EMCN: variants seen among roughly 807,000 people sequenced by gnomAD.
The protein encoded by EMCN is endomucin, also known as MUC-14.
EMCN carries 37 observed loss-of-function variants against 38.4 expected under a neutral mutation model. The ratio of observed to expected loss-of-function variants is 0.96; its 90% CI spans 0.74 to 1.27. EMCN has a LOEUF of 1.27. EMCN is among the 50% of genes most tolerant of loss of function. The pLI is 0.00. For synonymous variants in EMCN, 95 were observed against 100.8 expected, an observed-to-expected ratio of 0.94 and a Z score of 0.35; for missense variants, 318 against 302.8, an observed-to-expected ratio of 1.05 and a Z score of -0.37.
At chr4:100,437,929 G>C (rs768882960) in intron 5 of EMCN, among the ~76,000 whole-genome samples, 1 of 151,730 alleles carries the variant, frequency 6.6e-6, no homozygotes, top group African/African-American at 2.4e-5. Context: ...TTTTATTTCT[G>C]TGAAGAATGA....
chr4:100,463,820 G>A (rs1320638101), intron 4 of EMCN, among the ~76,000 whole-genome samples: 1 of 152,064 alleles, frequency 6.6e-6, no homozygotes, highest in Non-Finnish European at 1.5e-5. Flanking sequence ...CATTACAATA[G>A]CTTTAGAATA....
In EMCN at chr4:100,423,019, A is replaced by G. The variant is rs751272792; in HGVS notation, c.568+2T>C. 4 of 1,612,420 alleles carry G rather than the reference A, an allele frequency of 2.5e-6. No individual in the cohort carries two copies. The South Asian group carries it at 4.4e-5, about 18-fold the overall frequency. On this transcript the variant is annotated splice_donor_variant, in intron 7 of 11. Transcript: ENST00000296420. LOFTEE classifies it high-confidence loss of function. ...ATGAATGAAGGCATTGCTGTTACTC[A>G]CTGGAATAAGACCGGCTGGTTGCTG... is the stretch of plus-strand genomic sequence containing the variant.
chr4:100,441,044 T>A (rs1727501268), intron 5 of EMCN, among the ~76,000 whole-genome samples: 1 of 151,836 alleles, frequency 6.6e-6, no homozygotes, highest in Admixed American at 6.6e-5. Context: ...GCTGCGATTG[T>A]GCCACTGCAC....
intron 1 of EMCN, among the ~76,000 whole-genome samples, chr4:100,509,936 A>C (rs948493093): frequency 6.6e-6 from 1 of 152,208 alleles, no homozygotes; most frequent in African/African-American, 2.4e-5. Context: ...TGATGTGCAC[A>C]GTATCTAAAA....
At chr4:100,412,166 ACAGT>A (rs964244253) in intron 10 of EMCN, among the ~76,000 whole-genome samples, 6 of 152,198 alleles carry the variant, frequency 3.9e-5, no homozygotes, top group African/African-American at 9.6e-5. Flanking sequence ...AGAGAGAGAG[ACAGT>A]CAGGGGACAG....
Position 100,490,180 on chromosome 4 carries a change from A to C in EMCN, c.65-10141T>G, listed in dbSNP as rs543240553. Among the ~76,000 whole-genome samples the C allele has an allele frequency of 6.6e-5, 10 of 151,650 alleles. 1 individual carries two copies. The South Asian group carries it at 2.1e-3, about 32-fold the overall frequency. On this transcript the variant is annotated intron_variant, in intron 1 of 11. Transcript: ENST00000296420. ...TTTTTACAACTTGAAAAAGTAAAAA[A>C]AAAAAAAAAGATTAAAAACAGAAAA...
At chr4:100,439,789 G>A (rs534480489) in intron 5 of EMCN, among the ~76,000 whole-genome samples, 1 of 151,500 alleles carries the variant, frequency 6.6e-6, no homozygotes, top group Non-Finnish European at 1.5e-5. Flanking sequence ...TCTTTGAACT[G>A]CTTTTGCTAC....
intron 7 of EMCN, among the ~76,000 whole-genome samples, chr4:100,422,629 G>A (rs868457752): frequency 6.6e-6 from 1 of 151,536 alleles, no homozygotes; most frequent in African/African-American, 2.4e-5. Context: ...TATATTCAGG[G>A]TATACAACCT....
intron 11 of EMCN, among the ~76,000 whole-genome samples, chr4:100,401,353 G>C (rs1238514171): frequency 6.6e-6 from 1 of 152,140 alleles, no homozygotes; most frequent in East Asian, 1.9e-4. Context: ...CCTTGTATTA[G>C]GTATTACAAG....
chr4:100,406,484 T>A (rs936994397), intron 11 of EMCN, among the ~76,000 whole-genome samples: 2 of 152,184 alleles, frequency 1.3e-5, no homozygotes, highest in African/African-American at 4.8e-5. Context: ...TTTAATTTCA[T>A]TGTTTACACA....
At chr4:100,440,983 G>A (rs1251186692) in intron 5 of EMCN, among the ~76,000 whole-genome samples, 4 of 151,990 alleles carry the variant, frequency 2.6e-5, no homozygotes, top group Non-Finnish European at 4.4e-5. Context: ...AGCTACTTGG[G>A]AAGCTGAGGC....
In EMCN at chr4:100,475,953, C is replaced by T. The variant is rs186633976; in HGVS notation, c.188-844G>A. Among the ~76,000 whole-genome samples the T allele has an allele frequency of 3.0e-3, 448 of 151,850 alleles. 1 individual carries two copies. The highest frequency in any genetic ancestry group is 0.01 in the African/African-American group (430 of 41,236). Reference sequence around the variant, plus strand: ...CCTCCCAAAATGCTGGGATTACAGGCGTGAGCCACTGTGCCCAGCCTCTAG... The same window carrying T: ...CCTCCCAAAATGCTGGGATTACAGGTGTGAGCCACTGTGCCCAGCCTCTAG... On this transcript the variant is annotated intron_variant, in intron 2 of 11. Coordinates refer to ENST00000296420, the MANE Select transcript of EMCN (RefSeq NM_016242.4).
intron 5 of EMCN, among the ~76,000 whole-genome samples, chr4:100,437,527 T>G (rs1039624378): frequency 2.0e-5 from 3 of 152,194 alleles, no homozygotes; most frequent in Admixed American, 2.0e-4. Context: ...CTAGGAGTTT[T>G]ATAGTTTCTG....
At chr4:100,433,139 G>T (rs1308244883) in intron 5 of EMCN, among the ~76,000 whole-genome samples, 1 of 152,028 alleles carries the variant, frequency 6.6e-6, no homozygotes, top group Non-Finnish European at 1.5e-5. Context: ...CTCTGTCCCT[G>T]GTAACCACTG....
rs1400940235 is a variant in EMCN, at chr4:100,475,090, T to A, written c.207A>T (p.Leu69Phe). 1.3e-6 allele frequency: 2 copies of A among 1,528,586 alleles called. No homozygotes were observed. The highest frequency in any genetic ancestry group is 2.7e-5 in the African/African-American group (2 of 73,260). 94.7% of individuals were successfully genotyped at this position (1,528,586 alleles called of 1,614,324 possible). Residue 69 changes from leucine to phenylalanine, a missense_variant, in exon 3 of 12, where the codon TTA becomes TTT. Leu to Phe is a conservative substitution (Grantham distance 22). Transcript: ENST00000296420. The part of the protein sequence containing the change: ...TTPKGTITNE[L>F]LKMSLMSTAT... Reference sequence around the variant, plus strand: ...CTGTTGACATCAGAGACATTTTAAGTAATTCATTGGTGATTGTTCCTAGTT... The same window carrying A: ...CTGTTGACATCAGAGACATTTTAAGAAATTCATTGGTGATTGTTCCTAGTT...
At chr4:100,411,722 A>C (rs1274488895) in intron 10 of EMCN, among the ~76,000 whole-genome samples, 1 of 152,150 alleles carries the variant, frequency 6.6e-6, no homozygotes, top group East Asian at 1.9e-4. Flanking sequence ...GTCAAATATT[A>C]AAATGGTAGT....
intron 5 of EMCN, among the ~76,000 whole-genome samples, chr4:100,446,698 C>T (rs919520517): frequency 5.9e-5 from 9 of 152,010 alleles, no homozygotes; most frequent in African/African-American, 2.2e-4. Flanking sequence ...AGGTATTAAG[C>T]CTAGTACCCA....
chr4:100,466,648 T>C (rs1479981418), intron 3 of EMCN, among the ~76,000 whole-genome samples: 1 of 152,188 alleles, frequency 6.6e-6, no homozygotes, highest in Non-Finnish European at 1.5e-5. Context: ...AGAGGTATCA[T>C]GAAGTGTTAA....
intron 1 of EMCN, among the ~76,000 whole-genome samples, chr4:100,514,293 G>T (rs1393285191): frequency 2.6e-5 from 4 of 151,162 alleles, no homozygotes; most frequent in Non-Finnish European, 5.9e-5. Context: ...CCTATTTCTG[G>T]TATTAAAAAA....
Sources: allele counts gnomAD v4.1 joint callset (sites outside exome capture counted in the v4.1 genomes callset), GRCh38; gene constraint gnomAD v4.1.1; transcripts MANE v1.5; gene names NCBI Gene and HGNC (gene_info 2026-07-23, HGNC 2026-07-21).